The following LCLAT1 variants were observed in gnomAD, a reference collection of about 807,000 sequenced individuals.
LCLAT1 encodes lysocardiolipin acyltransferase 1.
Under a neutral mutation model 30.7 loss-of-function variants are expected in LCLAT1, and 11 were observed. The ratio of observed to expected loss-of-function variants is 0.36; its 90% CI spans 0.23 to 0.59. The LOEUF (loss-of-function observed/expected upper bound fraction) is 0.59. Ranked by LOEUF, LCLAT1 falls within the 20% of genes least tolerant of loss-of-function variation. The pLI is 0.77. For missense variants in LCLAT1, 402 were observed against 458.6 expected (o/e 0.88, Z 1.13); for synonymous variants, 155 against 151.3 (o/e 1.02, Z -0.18).
At chr2:30,569,179 C>G (rs1429386921) in intron 5 of LCLAT1, among the ~76,000 whole-genome samples, 1 of 152,108 alleles carries the variant, frequency 6.6e-6, no homozygotes, top group Non-Finnish European at 1.5e-5. Flanking sequence ...GCTCATATCA[C>G]ACTTCTTTCA....
intron 2 of LCLAT1, among the ~76,000 whole-genome samples, chr2:30,529,229 G>A (rs952927531): frequency 1.3e-5 from 2 of 152,172 alleles, no homozygotes; most frequent in African/African-American, 2.4e-5. Context: ...AGTTTCTCTT[G>A]TGGATTAAAA....
At chr2:30,543,874 G>A (rs1014050115) in intron 3 of LCLAT1, among the ~76,000 whole-genome samples, 14 of 151,724 alleles carry the variant, frequency 9.2e-5, no homozygotes, top group Admixed American at 5.3e-4. Flanking sequence ...TCATCAATCT[G>A]TGTTTTTAGT....
intron 1 of LCLAT1, among the ~76,000 whole-genome samples, chr2:30,477,055 T>A (rs1233313510): frequency 6.6e-6 from 1 of 152,240 alleles, no homozygotes; most frequent in African/African-American, 2.4e-5. Context: ...AATCTTACCT[T>A]CTTTTTTCTT....
rs187298466 is a variant in LCLAT1, at chr2:30,635,173, G to C, written c.629-4944G>C. Among the ~76,000 whole-genome samples the C allele has an allele frequency of 3.2e-4, 49 of 152,138 alleles. 1 individual carries two copies. Among genetic ancestry groups the C allele is most frequent in the Admixed American group, 2.9e-3 (44 of 15,274 alleles). On this transcript the variant is annotated intron_variant, in intron 5 of 5. Coordinates refer to ENST00000379509, the MANE Select transcript of LCLAT1 (RefSeq NM_001002257.3). ...CAAGGACTTTGGGAGAATGAAGTGG[G>C]AGGATCACTTGAGTTCAAGACCAGT...
intron 1 of LCLAT1, among the ~76,000 whole-genome samples, chr2:30,488,835 C>T (rs564728630): frequency 4.6e-5 from 7 of 152,210 alleles, no homozygotes; most frequent in Admixed American, 2.6e-4. Context: ...TTTCCAATAT[C>T]ATTACTATAT....
chr2:30,640,358 C>T lies in LCLAT1; in HGVS notation c.870C>T (p.Thr290=), dbSNP rs138425181. 407 of 1,614,022 alleles carry T rather than the reference C, an allele frequency of 2.5e-4. No homozygotes were observed. The highest frequency in any genetic ancestry group is 9.9e-4 in the Middle Eastern group (6 of 6,084). The change falls in exon 6 of 6, where the codon ACC becomes ACT. Residue 290 remains threonine (T), a synonymous_variant. Transcript: ENST00000379509. ...AAGGGGAGAAGAATTTTTATTTTAC[C>T]GGACAGAGTGTCATTCCACCTTGCA... is the stretch of plus-strand genomic sequence containing the variant. ...FYQGEKNFYF[T]GQSVIPPCKS...
At chr2:30,605,836 C>T (rs543497131) in intron 5 of LCLAT1, among the ~76,000 whole-genome samples, 65 of 152,206 alleles carry the variant, frequency 4.3e-4, no homozygotes, top group Non-Finnish European at 8.1e-4. Flanking sequence ...CATTTGTCCA[C>T]GGCTCGGGGA....
intron 5 of LCLAT1, among the ~76,000 whole-genome samples, chr2:30,597,233 C>A (rs1333328427): frequency 1.3e-5 from 2 of 151,582 alleles, no homozygotes; most frequent in African/African-American, 4.8e-5. Flanking sequence ...TTGCTTTGGG[C>A]AGTATGGCCA....
At chr2:30,612,668 A>G (rs113756927) in intron 5 of LCLAT1, among the ~76,000 whole-genome samples, 7 of 152,292 alleles carry the variant, frequency 4.6e-5, no homozygotes, top group African/African-American at 1.4e-4. Context: ...CAGAAGCACA[A>G]ATTCCTGTCT....
At chr2:30,612,346 T>C (rs1297429802) in intron 5 of LCLAT1, among the ~76,000 whole-genome samples, 1 of 152,064 alleles carries the variant, frequency 6.6e-6, no homozygotes, top group Non-Finnish European at 1.5e-5. Context: ...GAGAGGAGCA[T>C]ATCAAACTAA....
intron 3 of LCLAT1, among the ~76,000 whole-genome samples, chr2:30,557,452 T>A (rs1299333549): frequency 6.6e-6 from 1 of 152,030 alleles, no homozygotes; most frequent in Non-Finnish European, 1.5e-5. Context: ...TTCACTTTTG[T>A]CGCCCAGCCT....
intron 5 of LCLAT1, among the ~76,000 whole-genome samples, chr2:30,626,565 A>G (rs1668520581): frequency 6.6e-6 from 1 of 152,176 alleles, no homozygotes. Flanking sequence ...AGTCAGATCC[A>G]TAGGGTTTAA....
At chr2:30,500,914 C>T (rs1684344224) in intron 1 of LCLAT1, among the ~76,000 whole-genome samples, 1 of 152,068 alleles carries the variant, frequency 6.6e-6, no homozygotes, top group Non-Finnish European at 1.5e-5. Flanking sequence ...TCAGGCCTCA[C>T]AGATAGTATC....
At chr2:30,489,029 A>G (rs1683700307) in intron 1 of LCLAT1, 1 of 152,132 alleles carries the variant, frequency 6.6e-6, no homozygotes, top group Non-Finnish European at 1.5e-5. Context: ...CATTGTACTG[A>G]TAGGTTCATA....
At position 30,642,504 on chromosome 2, in the gene LCLAT1, A is replaced by G. The variant is rs1014364004; in HGVS notation, c.*1885A>G. 16 of 150,960 alleles carry G rather than the reference A, an allele frequency of 1.1e-4. No homozygotes were observed. The highest frequency in any genetic ancestry group is 3.2e-4 in the African/African-American group (13 of 41,028). 9.4% of individuals were successfully genotyped at this position (150,960 alleles called of 1,614,324 possible). A position where few individuals can be genotyped will look rare whatever the true frequency, so the allele number is the denominator to read the frequency against. ...TCTAAGATTTCCTTTGGTTGTATTT[A>G]GAAACACAAATAGTTTTATAATCAG... On this transcript the variant is annotated 3_prime_UTR_variant, in exon 6 of 6. Coordinates refer to ENST00000379509, the MANE Select transcript of LCLAT1 (RefSeq NM_001002257.3).
chr2:30,643,545 G>T lies in LCLAT1; in HGVS notation c.*2926G>T, dbSNP rs982988704. 5 of 152,460 alleles carry T rather than the reference G, an allele frequency of 3.3e-5. No individual in the cohort carries two copies. The highest frequency in any genetic ancestry group is 1.2e-4 in the African/African-American group (5 of 41,386). 9.4% of individuals were successfully genotyped at this position (152,460 alleles called of 1,614,324 possible). On this transcript the variant is annotated 3_prime_UTR_variant, in exon 6 of 6. Transcript: ENST00000379509. ...TCAAGGGAAATACCAGCTTCCACTT[G>T]AGTCACTTTGAAATAGTTAATTCAA...
At chr2:30,532,759 G>A (rs1686045484) in intron 2 of LCLAT1, among the ~76,000 whole-genome samples, 1 of 150,800 alleles carries the variant, frequency 6.6e-6, no homozygotes, top group East Asian at 1.9e-4. Flanking sequence ...CTAATTCTTT[G>A]ACTGTTCTTT....
chr2:30,619,742 A>C (rs1260248337), intron 5 of LCLAT1, among the ~76,000 whole-genome samples: 1 of 152,210 alleles, frequency 6.6e-6, no homozygotes, highest in Non-Finnish European at 1.5e-5. Flanking sequence ...GAGGATCTTC[A>C]GGCAAAATTG....
At chr2:30,521,492 C>CTT (rs869093721) in intron 1 of LCLAT1, among the ~76,000 whole-genome samples, 663 of 16,762 alleles carry the variant, frequency 0.04, 53 homozygotes, top group Non-Finnish European at 0.057. Context: ...ACTACTTCTT[C>CTT]TTTTTTTTTT....
Sources: allele counts gnomAD v4.1 joint callset (sites outside exome capture counted in the v4.1 genomes callset), GRCh38; gene constraint gnomAD v4.1.1; transcripts MANE v1.5; gene names NCBI Gene and HGNC (gene_info 2026-07-23, HGNC 2026-07-21).